The following ITCH variants were observed in gnomAD, a reference collection of about 807,000 sequenced individuals.
The protein encoded by ITCH is E3 ubiquitin-protein ligase Itchy homolog.
In ITCH, 28 loss-of-function variants were observed where a neutral mutation model predicts 126.8. That is an observed-to-expected ratio of 0.22 (90% CI 0.16 to 0.30). The LOEUF is 0.30. ITCH is among the 10% of genes least tolerant of loss of function. ITCH has a pLI of 1.00. For missense variants in ITCH, 631 were observed against 1,032.4 expected (o/e 0.61, Z 5.33); for synonymous variants, 342 against 340.0 (o/e 1.01, Z -0.06).
At chr20:34,380,361 G>A (rs2038010970) in intron 2 of ITCH, among the ~76,000 whole-genome samples, 1 of 152,000 alleles carries the variant, frequency 6.6e-6, no homozygotes, top group South Asian at 2.1e-4. Context: ...TCATTTCCCT[G>A]TTATCTTTTT....
At chr20:34,393,255 A>G (rs1268956533) in intron 2 of ITCH, among the ~76,000 whole-genome samples, 1 of 152,142 alleles carries the variant, frequency 6.6e-6, no homozygotes, top group African/African-American at 2.4e-5. Context: ...TCACGCTGTA[A>G]TCCAGCACTT....
rs975636720 is a variant in ITCH, at chr20:34,387,475, T to TA, written c.-21-6310dup. ...GTGAGACCCTGTCTCTATCTCCCTG[T>TA]AAAAAATTAGATGGGCCTGTGGTAT... On this transcript the variant is annotated intron_variant, in intron 2 of 24. Coordinates refer to ENST00000374864, the MANE Select transcript of ITCH (RefSeq NM_031483.7). Among the ~76,000 whole-genome samples the TA allele has an allele frequency of 4.3e-4, 66 of 152,014 alleles. 1 individual carries two copies. The highest frequency in any genetic ancestry group is 1.7e-3 in the South Asian group (8 of 4,816).
chr20:34,432,834 G>A (rs1374715329), intron 7 of ITCH, among the ~76,000 whole-genome samples: 1 of 152,056 alleles, frequency 6.6e-6, no homozygotes, highest in Non-Finnish European at 1.5e-5. Flanking sequence ...GCCTGCACCT[G>A]TAGTCCCAAC....
At chr20:34,364,230 C>G (rs1289791727) in intron 1 of ITCH, among the ~76,000 whole-genome samples, 1 of 152,152 alleles carries the variant, frequency 6.6e-6, no homozygotes, top group Non-Finnish European at 1.5e-5. Flanking sequence ...TCATTATCCC[C>G]AATAACAACG....
At chr20:34,487,772 C>T (rs1989231983) in intron 20 of ITCH, among the ~76,000 whole-genome samples, 1 of 152,060 alleles carries the variant, frequency 6.6e-6, no homozygotes, top group South Asian at 2.1e-4. Flanking sequence ...AACCCCGTCT[C>T]TACTAAAAAT....
At chr20:34,465,567 T>C (rs1290376150) in intron 14 of ITCH, among the ~76,000 whole-genome samples, 22 of 152,214 alleles carry the variant, frequency 1.4e-4, no homozygotes. Flanking sequence ...TGTGGATATC[T>C]TTGTGTTTTC....
At chr20:34,500,896 C>T (rs1990205960) in intron 23 of ITCH, among the ~76,000 whole-genome samples, 1 of 152,144 alleles carries the variant, frequency 6.6e-6, no homozygotes, top group South Asian at 2.1e-4. Context: ...ATCATCTTTT[C>T]ACTTCCAGAT....
intron 4 of ITCH, among the ~76,000 whole-genome samples, chr20:34,412,301 G>T (rs558531059): frequency 2.1e-4 from 32 of 152,312 alleles, no homozygotes; most frequent in African/African-American, 7.2e-4. Flanking sequence ...ATTTACTTCT[G>T]TAGTTCAACT....
At chr20:34,499,964 A>G (rs2146548548) in intron 23 of ITCH, among the ~76,000 whole-genome samples, 1 of 152,320 alleles carries the variant, frequency 6.6e-6, no homozygotes, top group South Asian at 2.1e-4. Context: ...ACGTTTAATT[A>G]CCATGTATTT....
intron 2 of ITCH, among the ~76,000 whole-genome samples, chr20:34,381,541 C>T (rs1324209557): frequency 1.3e-5 from 2 of 152,038 alleles, no homozygotes; most frequent in Non-Finnish European, 2.9e-5. Context: ...ATTCTCCTGC[C>T]TCAGACTCCC....
chr20:34,370,881 A>G (rs1392574153), intron 2 of ITCH, among the ~76,000 whole-genome samples: 1 of 151,942 alleles, frequency 6.6e-6, no homozygotes, highest in Non-Finnish European at 1.5e-5. Context: ...TAGATAAGAA[A>G]GCTGAGGCTG....
rs1978488656 is a variant in ITCH, at chr20:34,509,122, CTTT to C, written c.*1333_*1335del. The C allele has an allele frequency of 6.6e-6, 1 of 152,540 alleles. No individual in the cohort carries two copies. The highest frequency in any genetic ancestry group is 2.4e-5 in the African/African-American group (1 of 41,402). 9.4% of individuals were successfully genotyped at this position (152,540 alleles called of 1,614,324 possible). On this transcript the variant is annotated 3_prime_UTR_variant, in exon 25 of 25. Coordinates refer to ENST00000374864, the MANE Select transcript of ITCH (RefSeq NM_031483.7). The stretch of plus-strand genomic sequence containing the variant: ...CCCCTAAAATTTTTAACAGGGTTTC[CTTT>C]TTTTCTCACGACTATTTAAGTTTAG...
chr20:34,464,221 C>G (rs1024916721), intron 14 of ITCH, among the ~76,000 whole-genome samples: 3 of 151,512 alleles, frequency 2.0e-5, no homozygotes, highest in African/African-American at 7.3e-5. Context: ...ATCTCCTGAC[C>G]TCGTGATCCA....
chr20:34,501,829 G>A (rs1213495334), intron 23 of ITCH, among the ~76,000 whole-genome samples: 1 of 149,158 alleles, frequency 6.7e-6, no homozygotes, highest in Non-Finnish European at 1.5e-5. Context: ...GAACAGATGA[G>A]AAAGATAAAT....
At chr20:34,503,614 C>G (rs901293041) in intron 23 of ITCH, among the ~76,000 whole-genome samples, 1 of 152,110 alleles carries the variant, frequency 6.6e-6, no homozygotes, top group Non-Finnish European at 1.5e-5. Context: ...TTTCAAACTA[C>G]TAAAATTAAG....
rs536854864 is a variant in ITCH, at chr20:34,427,520, C to G, written c.521+2995C>G. ...CCAGCTGTTGGAGTGGGGAGGGTGC[C>G]CAAAGTGGGAGGATCACTTGAGCTG... On this transcript the variant is annotated intron_variant, in intron 7 of 24. Coordinates refer to ENST00000374864, the MANE Select transcript of ITCH (RefSeq NM_031483.7). Among the ~76,000 whole-genome samples the G allele has an allele frequency of 3.3e-5, 5 of 151,972 alleles. No individual in the cohort carries two copies. The South Asian group carries it at 1.0e-3, about 32-fold the overall frequency.
chr20:34,460,607 G>A lies in ITCH; in HGVS notation c.1296-1486G>A, dbSNP rs1235071240. ...CTCATCTAGTCTCATAGACATTGTT[G>A]TCTCTGTTTTATGGACAAAGAACCT... On this transcript the variant is annotated intron_variant, in intron 13 of 24. Transcript: ENST00000374864. 2.0e-5 allele frequency among the ~76,000 whole-genome samples: 3 copies of A among 151,992 alleles called. No homozygotes were observed. Among genetic ancestry groups the A allele is most frequent in the Non-Finnish European group, 4.4e-5 (3 of 68,000 alleles).
At chr20:34,456,114 C>G (rs905947333) in intron 12 of ITCH, among the ~76,000 whole-genome samples, 3 of 145,152 alleles carry the variant, frequency 2.1e-5, no homozygotes, top group African/African-American at 7.6e-5. Context: ...TATACACACT[C>G]TCAAATTACA....
At chr20:34,393,634 A>C in intron 2 of ITCH, 157 bp from the exon 3 acceptor site, 1 of 664,530 alleles carries the variant, frequency 1.5e-6, no homozygotes, top group Non-Finnish European at 2.7e-6. Context: ...TTTGCCAATA[A>C]GTTAGGTAGG....
Sources: allele counts gnomAD v4.1 joint callset (sites outside exome capture counted in the v4.1 genomes callset), GRCh38; gene constraint gnomAD v4.1.1; transcripts MANE v1.5; gene names NCBI Gene and HGNC (gene_info 2026-07-23, HGNC 2026-07-21).